Variants in NUDT17 observed in about 807,000 individuals in gnomAD.
NUDT17 encodes the protein nudix hydrolase 17.
In NUDT17, 38 loss-of-function variants were observed where a neutral mutation model predicts 38.6. The ratio of observed to expected loss-of-function variants is 0.98; its 90% CI spans 0.76 to 1.29. NUDT17 has a LOEUF of 1.29. Among genes scored for constraint, NUDT17 ranks in the 50% most tolerant of loss-of-function variants. The pLI is 0.00. For missense variants in NUDT17, 462 were observed against 415.2 expected (o/e 1.11, Z -0.98); for synonymous variants, 192 against 167.8 (o/e 1.14, Z -1.11).
intron 2 of NUDT17, 109 bp downstream of exon 2, chr1:145,846,305 A>G (rs1652670479): frequency 6.8e-7 from 1 of 1,462,822 alleles, no homozygotes. Flanking sequence ...AAAATGTGGC[A>G]TGTTCATAGT....
rs1553731979 is a variant in NUDT17, at chr1:145,845,649, G to A, written c.9G>A (p.Glu3=). Residue 3 remains glutamate (E), a synonymous_variant, in exon 1 of 8, where the codon GAG becomes GAA. Transcript: ENST00000334513. ...GACTCCAGAGTCGCGTTATGGCCGA[G>A]GTGCGGGTGCAGCTGCTCCTGTCCC... The part of the protein sequence containing the change: MA[E]VRVQLLLSRR... 1 of 1,518,388 alleles carries A rather than the reference G, an allele frequency of 6.6e-7. No individual in the cohort carries two copies. The highest frequency in any genetic ancestry group is 8.9e-7 in the Non-Finnish European group (1 of 1,124,566). The allele number at this position is 1,518,388 out of a possible 1,614,324, so 94.1% of individuals were successfully genotyped here.
At chr1:145,846,760 A>G in intron 4 of NUDT17, 70 bp downstream of exon 4, 2 of 1,060,702 alleles carry the variant, frequency 1.9e-6, no homozygotes, top group Middle Eastern at 2.0e-4. Context: ...AAGGGAAACA[A>G]TAGCACATAA....
chr1:145,848,213 T>A lies in NUDT17; in HGVS notation c.833T>A (p.Val278Asp). ...IPTMAEDKER[V>D]STGTKFALKL... ...ACCATGGCAGAGGACAAAGAGAGAG[T>A]CAGCACTGGAACCAAGTTTGCCCTC... is the stretch of plus-strand genomic sequence containing the variant. Residue 278 changes from valine (V) to aspartate (D), a missense_variant, in exon 7 of 8, where the codon GTC becomes GAC. Transcript: ENST00000334513. 5.0e-6 allele frequency: 8 copies of A among 1,613,958 alleles called. No homozygotes were observed. Among genetic ancestry groups the A allele is most frequent in the South Asian group, 1.1e-5 (1 of 91,066 alleles).
intron 4 of NUDT17, among the ~76,000 whole-genome samples, chr1:145,846,897 A>T (rs1215612167): frequency 6.6e-6 from 1 of 152,184 alleles, no homozygotes; most frequent in Non-Finnish European, 1.5e-5. Context: ...AAGTCTCAAA[A>T]AGTGACACAA....
chr1:145,848,181 G>A lies in NUDT17; in HGVS notation c.801G>A (p.Met267Ile), dbSNP rs781797302. Residue 267 changes from methionine to isoleucine, a missense_variant, in exon 7 of 8, where the codon ATG (methionine) becomes ATA (isoleucine). Transcript: ENST00000334513. ...LVLHMSTLLR[M>I]IPTMAEDKER... ...TGCACATGTCCACCCTCCTGCGGAT[G>A]ATCCCAACCATGGCAGAGGACAAAG... 1 of 1,614,218 alleles carries A rather than the reference G, an allele frequency of 6.2e-7. No homozygotes were observed. The highest frequency in any genetic ancestry group is 2.2e-5 in the East Asian group (1 of 44,890).
In NUDT17 at chr1:145,848,711, A is replaced by G; in HGVS notation, c.*232A>G. On this transcript the variant is annotated 3_prime_UTR_variant, in exon 8 of 8. Transcript: ENST00000334513. The stretch of plus-strand genomic sequence containing the variant: ...CCTAACTACAGGGCCATGAGCCTCT[A>G]GAAGCTTAGGGGGGAATAAGAAACA... 1 of 496,088 alleles carries G rather than the reference A, an allele frequency of 2.0e-6. No homozygotes were observed. The highest frequency in any genetic ancestry group is 3.5e-6 in the Non-Finnish European group (1 of 281,864). The allele number at this position is 496,088 out of a possible 1,614,324, so 30.7% of individuals were successfully genotyped here.
chr1:145,847,824 AT>A, intron 6 of NUDT17, 105 bp downstream of exon 6: 9 of 1,203,140 alleles, frequency 7.5e-6, no homozygotes, highest in Non-Finnish European at 1.1e-5. Flanking sequence ...TGTGGGGGAG[AT>A]TTAAGGAGAG....
chr1:145,848,619 A>T lies in NUDT17; in HGVS notation c.*140A>T, dbSNP rs1246590957. 1.5e-6 allele frequency: 1 copy of T among 663,476 alleles called. No homozygotes were observed. The highest frequency in any genetic ancestry group is 2.7e-5 in the East Asian group (1 of 37,390). 41.1% of individuals were successfully genotyped at this position (663,476 alleles called of 1,614,324 possible). ...AGGTCCTAGGCCTTGGCGAGCCTGA[A>T]AAAGAAGATTGGGAAGGAGGGCACA... On this transcript the variant is annotated 3_prime_UTR_variant, in exon 8 of 8. Coordinates refer to ENST00000334513, the MANE Select transcript of NUDT17 (RefSeq NM_001012758.3).
chr1:145,845,967 G>A, intron 1 of NUDT17, 46 bp from the exon 2 acceptor site: 1 of 1,560,414 alleles, frequency 6.4e-7, no homozygotes, highest in Non-Finnish European at 8.7e-7. Context: ...CGCCCACCCA[G>A]TGCCGCCCTT....
rs16827074 is a variant in NUDT17, at chr1:145,846,291, C to T, written c.376+95C>T. The T allele has an allele frequency of 6.7e-4, 983 of 1,467,894 alleles. 5 individuals are homozygous for T. The African/African-American group carries it at 0.012, about 18-fold the overall frequency. 90.9% of individuals were successfully genotyped at this position (1,467,894 alleles called of 1,614,324 possible). A position where few individuals can be genotyped will look rare whatever the true frequency, so the allele number is the denominator to read the frequency against. Reference sequence around the variant, plus strand: ...CCCAGTCTCAGAAGGATAAAGTGGGCCCCAAAATGTGGCATGTTCATAGTC... The same window carrying T: ...CCCAGTCTCAGAAGGATAAAGTGGGTCCCAAAATGTGGCATGTTCATAGTC... On this transcript the variant is annotated intron_variant, in intron 2 of 7. Transcript: ENST00000334513.
At position 145,845,657 on chromosome 1, in the gene NUDT17, T is replaced by G; in HGVS notation, c.17T>G (p.Val6Gly). ...AGTCGCGTTATGGCCGAGGTGCGGGTGCAGCTGCTCCTGTCCCGGCGTCCG... is the reference window on the plus strand; with the variant it reads ...AGTCGCGTTATGGCCGAGGTGCGGGGGCAGCTGCTCCTGTCCCGGCGTCCG... MAEVR[V>G]QLLLSRRPES... The change falls in exon 1 of 8, where the codon GTG becomes GGG. Residue 6 changes from valine (V) to glycine (G), a missense_variant. Coordinates refer to ENST00000334513, the MANE Select transcript of NUDT17 (RefSeq NM_001012758.3). 6.6e-7 allele frequency: 1 copy of G among 1,523,046 alleles called. No homozygotes were observed. The highest frequency in any genetic ancestry group is 1.4e-5 in the African/African-American group (1 of 72,634). 94.3% of individuals were successfully genotyped at this position (1,523,046 alleles called of 1,614,324 possible).
At position 145,846,358 on chromosome 1, in the gene NUDT17, G is replaced by A. The variant is rs782588901; in HGVS notation, c.377-75G>A. 16 of 1,558,482 alleles carry A rather than the reference G, an allele frequency of 1.0e-5. No individual in the cohort carries two copies. In the African/African-American group the frequency reaches 2.2e-4, roughly 21 times the overall value. On this transcript the variant is annotated intron_variant, in intron 2 of 7. Transcript: ENST00000334513. ...CCCTCTGTGTCCACTGGAGGGGAGA[G>A]GAGTGTCAACAGTGAGTGGGGGCTC...
chr1:145,846,607 G>A lies in NUDT17; in HGVS notation c.412G>A (p.Gly138Arg), dbSNP rs1652693349. ...CTTCTCTGACTCCCAGCTGCTGGAC[G>A]GAGGGCTTCGAGAACTTTGGGAGGA... ...HVELEEELLD[G>R]GLRELWEESG... The change falls in exon 4 of 8, where the codon GGA becomes AGA. Residue 138 changes from glycine (G) to arginine (R), a missense_variant. Transcript: ENST00000334513. The A allele has an allele frequency of 9.3e-6, 15 of 1,613,968 alleles. No individual in the cohort carries two copies. Among genetic ancestry groups the A allele is most frequent in the Admixed American group, 1.7e-5 (1 of 60,004 alleles).
In NUDT17 at chr1:145,846,168, C is replaced by CAA; in HGVS notation, c.348_349insAA (p.Val117LysfsTer57). 1.9e-6 allele frequency: 3 copies of CAA among 1,594,130 alleles called. No individual in the cohort carries two copies. Among genetic ancestry groups the CAA allele is most frequent in the Non-Finnish European group, 1.7e-6 (2 of 1,170,472 alleles). ...TAACCCGAAGGGCACGCACCCTGAGCGTTTCCCCCAACCTCTGGGTACCCC... is the reference window on the plus strand; with the variant it reads ...TAACCCGAAGGGCACGCACCCTGAGCAAGTTTCCCCCAACCTCTGGGTACCCC... On this transcript the variant is annotated frameshift_variant, in exon 2 of 8. Coordinates refer to ENST00000334513, the MANE Select transcript of NUDT17 (RefSeq NM_001012758.3). LOFTEE classifies it high-confidence loss of function.
At chr1:145,847,991 G>A in intron 6 of NUDT17, 121 bp from the exon 7 acceptor site, 2 of 1,167,734 alleles carry the variant, frequency 1.7e-6, no homozygotes, top group Non-Finnish European at 1.2e-6. Flanking sequence ...TTTCCTTTCT[G>A]CAAATGAGGT....
chr1:145,846,143 T>C lies in NUDT17; in HGVS notation c.323T>C (p.Leu108Pro), dbSNP rs587654875. Reference protein sequence around the residue: ...ILQSSDKTVLLTRRARTLSVS... With the variant: ...ILQSSDKTVLPTRRARTLSVS... ...CAGTCCAGCGACAAGACTGTCTTGC[T>C]AACCCGAAGGGCACGCACCCTGAGC... Residue 108 changes from leucine to proline, a missense_variant, in exon 2 of 8, where the codon CTA becomes CCA. Transcript: ENST00000334513. 6.3e-7 allele frequency: 1 copy of C among 1,598,924 alleles called. No individual in the cohort carries two copies. The highest frequency in any genetic ancestry group is 2.3e-5 in the East Asian group (1 of 44,200).
At chr1:145,847,498 C>G (rs1289736286) in intron 5 of NUDT17, 85 bp from the exon 6 acceptor site, 15 of 1,568,308 alleles carry the variant, frequency 9.6e-6, no homozygotes, top group Non-Finnish European at 1.2e-5. Context: ...CTGCCTTTCT[C>G]CATGAAACCT....
chr1:145,846,202 T>C lies in NUDT17; in HGVS notation c.376+6T>C. On this transcript the variant is annotated splice_donor_region_variant and intron_variant, in intron 2 of 7. Transcript: ENST00000334513. ...CAACCTCTGGGTACCCCCGGGTGAG[T>C]ATTCTGGGGACAAGGCCCCAAGTAC... 1 of 1,578,490 alleles carries C rather than the reference T, an allele frequency of 6.3e-7. No homozygotes were observed. The highest frequency in any genetic ancestry group is 8.6e-7 in the Non-Finnish European group (1 of 1,161,910).
intron 7 of NUDT17, 24 bp from the exon 8 acceptor site, chr1:145,848,353 A>G (rs1553733246): frequency 6.2e-7 from 1 of 1,612,740 alleles, no homozygotes; most frequent in East Asian, 2.2e-5. Flanking sequence ...GGAAAGGACA[A>G]CCTCTCTTGG....
Sources: gnomAD v4.1 joint callset for allele counts (sites outside exome capture counted in the v4.1 genomes callset) on GRCh38, gnomAD v4.1.1 for gene constraint, MANE v1.5 for transcripts, NCBI Gene and HGNC (gene_info 2026-07-23, HGNC 2026-07-21) for gene names.